The following COBLL1 variants were observed in gnomAD, a reference collection of about 807,000 sequenced individuals.
The protein encoded by COBLL1 is cordon-bleu protein-like 1.
Under a neutral mutation model 94.8 loss-of-function variants are expected in COBLL1, and 50 were observed. The ratio of observed to expected loss-of-function variants is 0.53; its 90% CI spans 0.42 to 0.67. The LOEUF (loss-of-function observed/expected upper bound fraction) is 0.67. COBLL1 is among the 30% of genes least tolerant of loss of function. The pLI, the probability that COBLL1 is intolerant of heterozygous loss-of-function variation, is 0.00. For missense variants in COBLL1, 1,362 were observed against 1,348.7 expected, an observed-to-expected ratio of 1.01 and a Z score of -0.15; for synonymous variants, 448 against 473.8, an observed-to-expected ratio of 0.95 and a Z score of 0.71.
chr2:164,676,198 T>C (rs529762323), downstream of COBLL1, among the ~76,000 whole-genome samples: 9 of 152,356 alleles, frequency 5.9e-5, no homozygotes, highest in South Asian at 1.4e-3. Context: ...AGATAATGTA[T>C]ACCATAATTT....
intron 2 of COBLL1, among the ~76,000 whole-genome samples, chr2:164,765,779 A>T (rs1687902240): frequency 6.6e-6 from 1 of 152,224 alleles, no homozygotes; most frequent in South Asian, 2.1e-4. Flanking sequence ...AAAGCTAATC[A>T]AAAATACATT....
intron 2 of COBLL1, among the ~76,000 whole-genome samples, chr2:164,762,565 T>C (rs1687734916): frequency 6.6e-6 from 1 of 152,226 alleles, no homozygotes; most frequent in Admixed American, 6.5e-5. Context: ...AAATGTATAG[T>C]GTATTATACG....
chr2:164,708,200 A>G (rs534560479), intron 7 of COBLL1, among the ~76,000 whole-genome samples: 1 of 152,256 alleles, frequency 6.6e-6, no homozygotes, highest in Non-Finnish European at 1.5e-5. Context: ...GCTGCCTCCA[A>G]CCCCATCCCA....
At chr2:164,764,254 A>G (rs532042246) in intron 2 of COBLL1, among the ~76,000 whole-genome samples, 1 of 152,340 alleles carries the variant, frequency 6.6e-6, no homozygotes, top group East Asian at 1.9e-4. Flanking sequence ...AAAAACACTA[A>G]AAATTTTAAA....
At chr2:164,780,535 G>A (rs1225583085) in intron 2 of COBLL1, among the ~76,000 whole-genome samples, 2 of 151,604 alleles carry the variant, frequency 1.3e-5, no homozygotes, top group African/African-American at 2.4e-5. Context: ...GTTTCCTCTT[G>A]GACAATAATG....
intron 3 of COBLL1, among the ~76,000 whole-genome samples, chr2:164,735,519 ATT>A (rs1317995078): frequency 6.6e-6 from 1 of 152,136 alleles, no homozygotes; most frequent in Non-Finnish European, 1.5e-5. Context: ...TGACCACAAG[ATT>A]TTGAGGTTGG....
At chr2:164,742,868 A>C (rs540663954) in intron 3 of COBLL1, among the ~76,000 whole-genome samples, 62 of 152,164 alleles carry the variant, frequency 4.1e-4, no homozygotes, top group Admixed American at 1.2e-3. Flanking sequence ...AGAGAGAGAG[A>C]GAGCGAGCGA....
Position 164,739,626 on chromosome 2 carries a change from T to C in COBLL1, c.230+4061A>G, listed in dbSNP as rs2061005. ...GAAAGCATGGTCTCAAAAAACTGCA[T>C]TGAAGTCTTTTCAGAGTTACATATA... On this transcript the variant is annotated intron_variant, in intron 3 of 13. Coordinates refer to ENST00000652658, the MANE Select transcript of COBLL1 (RefSeq NM_001365672.2). Among the ~76,000 whole-genome samples, 284 of 152,320 alleles carry C rather than the reference T, an allele frequency of 1.9e-3. 1 individual carries two copies. The highest frequency in any genetic ancestry group is 1.4e-3 in the Non-Finnish European group (98 of 68,010).
intron 2 of COBLL1, among the ~76,000 whole-genome samples, chr2:164,767,304 C>T (rs402908): frequency 1 from 151,899 of 152,360 alleles, 75,724 homozygotes; most frequent in East Asian, 1. Context: ...TTAGAAGAGA[C>T]ACTACCATTA....
At position 164,695,399 on chromosome 2, in the gene COBLL1, T is replaced by A; in HGVS notation, c.1993A>T (p.Ile665Leu). The change falls in exon 12 of 14, where the codon ATA becomes TTA. Residue 665 changes from isoleucine to leucine, a missense_variant. Transcript: ENST00000652658. ...REFRSQGTLI[I>L]HSEDPLTVKD... ...ACGGTAAGCGGATCTTCTGAATGTA[T>A]AATTAGGGTGCCTTGACTCCTGAAT... The A allele has an allele frequency of 6.2e-7, 1 of 1,613,988 alleles. No homozygotes were observed. Among genetic ancestry groups the A allele is most frequent in the Non-Finnish European group, 8.5e-7 (1 of 1,179,950 alleles).
At chr2:164,689,165 A>C (rs968630085) in intron 13 of COBLL1, among the ~76,000 whole-genome samples, 1 of 152,072 alleles carries the variant, frequency 6.6e-6, no homozygotes, top group Middle Eastern at 3.4e-3. Context: ...CTGAAACATG[A>C]AAAAAAACAT....
At chr2:164,808,615 T>G (rs1684313642) in intron 2 of COBLL1, among the ~76,000 whole-genome samples, 2 of 152,352 alleles carry the variant, frequency 1.3e-5, no homozygotes, top group African/African-American at 4.8e-5. Context: ...TTGAATTTTG[T>G]GGTACTTCCT....
intron 2 of COBLL1, among the ~76,000 whole-genome samples, chr2:164,760,394 A>G (rs1178715319): frequency 2.6e-5 from 4 of 152,202 alleles, no homozygotes; most frequent in African/African-American, 9.6e-5. Flanking sequence ...TGGAGGCATG[A>G]TGAGACTATT....
rs769725618 is a variant in COBLL1 at position 164,692,296 on chromosome 2, G to A, written c.3225C>T (p.Ser1075=). 13 of 1,613,538 alleles carry A rather than the reference G, an allele frequency of 8.1e-6. No individual in the cohort carries two copies. The African/African-American group carries it at 1.3e-4, about 17-fold the overall frequency. The change falls in exon 13 of 14, where the codon AGC becomes AGT. Residue 1075 remains serine, a synonymous_variant. Transcript: ENST00000652658. ...TCTGTCGCATCTGTTCTGGGTCAGAGCTTTGGAATGTTAAAGAACTTTGTC... is the reference window on the plus strand; with the variant it reads ...TCTGTCGCATCTGTTCTGGGTCAGAACTTTGGAATGTTAAAGAACTTTGTC... ...VMRQSSLTFQ[S]SDPEQMRQSL...
chr2:164,829,232 T>G (rs886363507), intron 2 of COBLL1, among the ~76,000 whole-genome samples: 2 of 152,118 alleles, frequency 1.3e-5, no homozygotes, highest in African/African-American at 4.8e-5. Context: ...CATAATAACC[T>G]AAGATCACAG....
At chr2:164,791,949 G>T (rs756084895) in intron 2 of COBLL1, among the ~76,000 whole-genome samples, 13 of 149,904 alleles carry the variant, frequency 8.7e-5, no homozygotes, top group Non-Finnish European at 1.5e-4. Flanking sequence ...ATACACATTT[G>T]TATTTCAATA....
Position 164,680,946 on chromosome 2 carries a change from C to G in COBLL1, c.*5000G>C, listed in dbSNP as rs1683012055. On this transcript the variant is annotated 3_prime_UTR_variant, in exon 14 of 14. Transcript: ENST00000652658. Reference sequence around the variant, plus strand: ...ACTATAGAGAAAGGGAGAGAATATACTTTTGCACTACGACTAAGAAAAAAA... The same window carrying G: ...ACTATAGAGAAAGGGAGAGAATATAGTTTTGCACTACGACTAAGAAAAAAA... 1 of 152,026 alleles carries G rather than the reference C, an allele frequency of 6.6e-6. No individual in the cohort carries two copies. Among genetic ancestry groups the G allele is most frequent in the South Asian group, 2.1e-4 (1 of 4,832 alleles). 9.4% of individuals were successfully genotyped at this position (152,026 alleles called of 1,614,324 possible).
intron 2 of COBLL1, among the ~76,000 whole-genome samples, chr2:164,826,672 G>A (rs1031051018): frequency 6.6e-6 from 1 of 152,236 alleles, no homozygotes; most frequent in Non-Finnish European, 1.5e-5. Flanking sequence ...TACAGTAGCT[G>A]CCTGCCAAGT....
chr2:164,763,860 T>C (rs1258794953), intron 2 of COBLL1, among the ~76,000 whole-genome samples: 1 of 152,190 alleles, frequency 6.6e-6, no homozygotes, highest in Non-Finnish European at 1.5e-5. Context: ...TCTTAAAATT[T>C]TGCCTTTAAA....
Sources: gnomAD v4.1 joint callset for allele counts (sites outside exome capture counted in the v4.1 genomes callset) on GRCh38, gnomAD v4.1.1 for gene constraint, MANE v1.5 for transcripts, NCBI Gene and HGNC (gene_info 2026-07-23, HGNC 2026-07-21) for gene names.